The following INTS10 variants were observed in gnomAD, a reference collection of about 807,000 sequenced individuals.
INTS10 encodes chromosome 8 open reading frame 35.
A neutral mutation model predicts 94.4 loss-of-function variants in INTS10; 44 were observed. The observed-to-expected ratio is 0.47, with a 90% CI of 0.37 to 0.60. The LOEUF is 0.60. Ranked by LOEUF, INTS10 falls within the 20% of genes least tolerant of loss-of-function variation. The pLI is 0.00. For missense variants in INTS10, 797 were observed against 868.7 expected (o/e 0.92, Z 1.04); for synonymous variants, 341 against 320.7 (o/e 1.06, Z -0.68).
intron 2 of INTS10, 141 bp from the exon 3 acceptor site, chr8:19,819,432 C>G: frequency 1.9e-6 from 1 of 531,440 alleles, no homozygotes; most frequent in Middle Eastern, 5.1e-4. Context: ...CTTATTTTTA[C>G]ATTTTTATTT....
At position 19,823,302 on chromosome 8, in the gene INTS10, T is replaced by G; in HGVS notation, c.525T>G (p.Val175=). 1 of 1,606,024 alleles carries G rather than the reference T, an allele frequency of 6.2e-7. No homozygotes were observed. Among genetic ancestry groups the G allele is most frequent in the Non-Finnish European group, 8.5e-7 (1 of 1,173,234 alleles). The change falls in exon 6 of 17, where the codon GTT becomes GTG. Residue 175 remains valine (V), a splice_region_variant and synonymous_variant. Transcript: ENST00000397977. ...TTTCTTCTTTTTCTCCTCCAACAGT[T>G]TGTGATGTCCTTCCTCTAATAATTA... The part of the protein sequence containing the change: ...SPVNCFRKLF[V]CDVLPLIINN...
intron 2 of INTS10, 58 bp from the exon 3 acceptor site, chr8:19,819,512 TTTC>T (rs2066200435): frequency 1.5e-6 from 2 of 1,314,418 alleles, no homozygotes; most frequent in East Asian, 5.1e-5. Flanking sequence ...GCTAACGTTT[TTTC>T]TTTTGGATAC....
At chr8:19,842,512 TTTAAAA>T (rs879790311) in intron 13 of INTS10, among the ~76,000 whole-genome samples, 1 of 152,212 alleles carries the variant, frequency 6.6e-6, no homozygotes, top group Non-Finnish European at 1.5e-5. Context: ...ATTAGAAATG[TTTAAAA>T]TTAAGATATT....
At chr8:19,833,420 C>T in intron 12 of INTS10, 99 bp downstream of exon 12, 1 of 789,710 alleles carries the variant, frequency 1.3e-6, no homozygotes, top group Admixed American at 4.2e-5. Context: ...ACGTTTATTT[C>T]AATTTGATCT....
Position 19,846,049 on chromosome 8 carries a change from T to A in INTS10, c.1976+252T>A, listed in dbSNP as rs1034002887. On this transcript the variant is annotated intron_variant, in intron 16 of 16. Coordinates refer to ENST00000397977, the MANE Select transcript of INTS10 (RefSeq NM_018142.4). The surrounding 1 kb of genome is among the most constrained non-coding windows in gnomAD (Gnocchi z 4.2). ...ACTTTTTCACTAGACAAAAGTCTCA[T>A]TCATGATATCTTTTACTTTCAAAAA... is the stretch of plus-strand genomic sequence containing the variant. 2.3e-5 allele frequency: 9 copies of A among 397,914 alleles called. No homozygotes were observed. Among genetic ancestry groups the A allele is most frequent in the African/African-American group, 6.0e-5 (3 of 50,028 alleles). 24.6% of individuals were successfully genotyped at this position (397,914 alleles called of 1,614,324 possible). A position where few individuals can be genotyped will look rare whatever the true frequency, so the allele number is the denominator to read the frequency against.
chr8:19,839,577 T>C (rs1256301763), intron 13 of INTS10, among the ~76,000 whole-genome samples: 1 of 151,832 alleles, frequency 6.6e-6, no homozygotes, highest in Admixed American at 6.6e-5. Context: ...TGTGCACCTG[T>C]AGTTCCAGCT....
chr8:19,824,756 A>G, intron 7 of INTS10, 47 bp from the exon 8 acceptor site: 6 of 1,405,252 alleles, frequency 4.3e-6, no homozygotes, highest in Non-Finnish European at 5.9e-6. Context: ...CTTCTTGCTG[A>G]CCAGCCCAGA....
rs2068347129 is a variant in INTS10, at chr8:19,843,912, AT to A, written c.1720-163del. 6.6e-6 allele frequency among the ~76,000 whole-genome samples: 1 copy of A among 152,220 alleles called. No individual in the cohort carries two copies. The highest frequency in any genetic ancestry group is 1.5e-5 in the Non-Finnish European group (1 of 68,040). On this transcript the variant is annotated intron_variant, in intron 14 of 16. Transcript: ENST00000397977. The surrounding 1 kb of genome is among the most constrained non-coding windows in gnomAD (Gnocchi z 4.7). ...CCACCCTCCTTAGAAGGCAGCTGTG[AT>A]GTTTACCAGCCATTTCGTTGTGCCT...
rs1445667229 is a variant in INTS10 at position 19,824,733 on chromosome 8, G to C, written c.837-70G>C. The C allele has an allele frequency of 3.7e-6, 4 of 1,076,538 alleles. No individual in the cohort carries two copies. The African/African-American group carries it at 6.4e-5, about 17-fold the overall frequency. 66.7% of individuals were successfully genotyped at this position (1,076,538 alleles called of 1,614,324 possible). On this transcript the variant is annotated intron_variant, in intron 7 of 16. Coordinates refer to ENST00000397977, the MANE Select transcript of INTS10 (RefSeq NM_018142.4). ...TGGTACATGTAATGGTACCACCAGAGCTTTTCTCTAGACTTCTTGCTGACC... is the reference window on the plus strand; with the variant it reads ...TGGTACATGTAATGGTACCACCAGACCTTTTCTCTAGACTTCTTGCTGACC...
At chr8:19,845,657 A>C in intron 15 of INTS10, 47 bp from the exon 16 acceptor site, 1 of 1,400,036 alleles carries the variant, frequency 7.1e-7, no homozygotes. Context: ...CATCAGAGAA[A>C]ACTAGCACCT....
intron 9 of INTS10, among the ~76,000 whole-genome samples, chr8:19,827,755 T>A (rs2066915785): frequency 6.6e-6 from 1 of 152,200 alleles, no homozygotes; most frequent in African/African-American, 2.4e-5. Flanking sequence ...TTCCATCCAT[T>A]TTTGTTTTCA....
At chr8:19,829,060 A>C (rs2067031415) in intron 9 of INTS10, among the ~76,000 whole-genome samples, 1 of 152,200 alleles carries the variant, frequency 6.6e-6, no homozygotes, top group South Asian at 2.1e-4. Flanking sequence ...ACCTTACCTG[A>C]GATGAGCTTG....
At chr8:19,841,750 TA>T in intron 13 of INTS10, 1 of 447,260 alleles carries the variant, frequency 2.2e-6, no homozygotes, top group Non-Finnish European at 4.5e-6. Flanking sequence ...TGTCATTACC[TA>T]ATTATTAAAT....
At chr8:19,826,357 C>T (rs1334776600) in intron 8 of INTS10, 69 bp from the exon 9 acceptor site, 6 of 1,489,454 alleles carry the variant, frequency 4.0e-6, no homozygotes, top group Non-Finnish European at 4.5e-6. Flanking sequence ...GCTGGGATTG[C>T]AGGCATGAGC....
intron 2 of INTS10, chr8:19,818,928 T>C (rs2128750108): frequency 6.6e-6 from 1 of 152,498 alleles, no homozygotes; most frequent in South Asian, 2.1e-4. Flanking sequence ...GAAATTATAT[T>C]CAGTGTGTCA....
chr8:19,845,737 G>T lies in INTS10; in HGVS notation c.1916G>T (p.Arg639Ile). Reference sequence around the variant, plus strand: ...ATGCTGGAGGAATTTGCCTACTTGAGAACTCAGGAAGGTGGGAAAATTCAT... The same window carrying T: ...ATGCTGGAGGAATTTGCCTACTTGATAACTCAGGAAGGTGGGAAAATTCAT... ...IDMLEEFAYL[R>I]TQEGGKIHLE... Residue 639 changes from arginine to isoleucine, a missense_variant, in exon 16 of 17, where the codon AGA (arginine) becomes ATA (isoleucine). Physicochemically the swap from Arg to Ile is moderately conservative, Grantham distance 97 (BLOSUM62 -3). Transcript: ENST00000397977. 1 of 1,613,896 alleles carries T rather than the reference G, an allele frequency of 6.2e-7. No individual in the cohort carries two copies. Among genetic ancestry groups the T allele is most frequent in the South Asian group, 1.1e-5 (1 of 91,070 alleles).
At chr8:19,829,595 C>T (rs373897553) in intron 9 of INTS10, among the ~76,000 whole-genome samples, 38 of 152,140 alleles carry the variant, frequency 2.5e-4, no homozygotes, top group African/African-American at 8.7e-4. Flanking sequence ...GTGACCAGTG[C>T]AGGGGAGTCA....
chr8:19,851,592 T>A lies in INTS10; in HGVS notation c.1977-57T>A, dbSNP rs1590090579. 1 of 1,525,454 alleles carries A rather than the reference T, an allele frequency of 6.6e-7. No homozygotes were observed. The highest frequency in any genetic ancestry group is 2.3e-5 in the East Asian group (1 of 44,226). The allele number at this position is 1,525,454 out of a possible 1,614,324, so 94.5% of individuals were successfully genotyped here. A position where few individuals can be genotyped will look rare whatever the true frequency, so the allele number is the denominator to read the frequency against. On this transcript the variant is annotated intron_variant, in intron 16 of 16. Transcript: ENST00000397977. This position sits in a 1 kb window ranked among gnomAD's most constrained non-coding sequence, Gnocchi z 5.0. ...TTTATTCCTACCCAAGTAGCAGCGA[T>A]CAGCGATGCTGGTGCTAACCCCTGG...
At chr8:19,819,947 C>T (rs1388440833) in intron 3 of INTS10, among the ~76,000 whole-genome samples, 2 of 152,198 alleles carry the variant, frequency 1.3e-5, no homozygotes, top group African/African-American at 2.4e-5. Flanking sequence ...TATAGATTAA[C>T]CAGCTCTCCA....
Sources: gnomAD v4.1 joint callset for allele counts (sites outside exome capture counted in the v4.1 genomes callset) on GRCh38, gnomAD v4.1.1 for gene constraint, Gnocchi (gnomAD v3.1) non-coding constraint, MANE v1.5 for transcripts, NCBI Gene and HGNC (gene_info 2026-07-23, HGNC 2026-07-21) for gene names.